The following CELF5 variants were observed in gnomAD, a reference collection of about 807,000 sequenced individuals.
The protein encoded by CELF5 is CUG-BP and ETR-3 like factor 5.
In CELF5, 6 loss-of-function variants were observed where a neutral mutation model predicts 54.9. That is an observed-to-expected ratio of 0.11 (90% confidence interval 0.06 to 0.22). The LOEUF (loss-of-function observed/expected upper bound fraction) is 0.22. Ranked by LOEUF, CELF5 falls within the 10% of genes least tolerant of loss-of-function variation. The pLI is 1.00. For missense variants in CELF5, 401 were observed against 678.6 expected, an observed-to-expected ratio of 0.59 and a Z score of 4.54; for synonymous variants, 271 against 290.9, an observed-to-expected ratio of 0.93 and a Z score of 0.70.
Position 3,228,699 on chromosome 19 carries a change from G to T in CELF5, c.259+3701G>T, listed in dbSNP as rs866340018. On this transcript the variant is annotated intron_variant, in intron 1 of 12. Transcript: ENST00000292672. This position sits in a 1 kb window ranked among gnomAD's most constrained non-coding sequence, Gnocchi z 6.0. ...CTGCCGGCTCGACTCGGGAGGGGGGGAGGAGGAGGCTGTAGCAGGCTGAGC... is the reference window on the plus strand; with the variant it reads ...CTGCCGGCTCGACTCGGGAGGGGGGTAGGAGGAGGCTGTAGCAGGCTGAGC... Among the ~76,000 whole-genome samples, 1 of 151,732 alleles carries T rather than the reference G, an allele frequency of 6.6e-6. No individual in the cohort carries two copies. The highest frequency in any genetic ancestry group is 6.6e-5 in the Admixed American group (1 of 15,260).
rs903038787 is a variant in CELF5, at chr19:3,275,464, A to G, written c.395-392A>G. Among the ~76,000 whole-genome samples the G allele has an allele frequency of 6.6e-6, 1 of 152,246 alleles. No homozygotes were observed. Among genetic ancestry groups the G allele is most frequent in the Admixed American group, 6.5e-5 (1 of 15,288 alleles). ...CAGACAGAAAGACAGACAGACAGAC[A>G]GACAGGGACCCAGGCCCGGCGAGGC... On this transcript the variant is annotated intron_variant, in intron 3 of 12. Transcript: ENST00000292672. This position sits in a 1 kb window ranked among gnomAD's most constrained non-coding sequence, Gnocchi z 6.7.
At chr19:3,269,530 C>T (rs2079928392) in intron 2 of CELF5, among the ~76,000 whole-genome samples, 1 of 152,160 alleles carries the variant, frequency 6.6e-6, no homozygotes, top group Admixed American at 6.5e-5. Flanking sequence ...ATCCCAGAGA[C>T]TCCTTGGCTG....
At chr19:3,239,543 T>C (rs1173500520) in intron 1 of CELF5, among the ~76,000 whole-genome samples, 1 of 151,846 alleles carries the variant, frequency 6.6e-6, no homozygotes, top group Non-Finnish European at 1.5e-5. Flanking sequence ...GCTAACTTTT[T>C]TTTTTTTTCA....
At position 3,275,994 on chromosome 19, in the gene CELF5, G is replaced by A. The variant is rs977696668; in HGVS notation, c.523+10G>A. 3 of 1,602,810 alleles carry A rather than the reference G, an allele frequency of 1.9e-6. No individual in the cohort carries two copies. The highest frequency in any genetic ancestry group is 2.2e-5 in the East Asian group (1 of 44,464). On this transcript the variant is annotated intron_variant, in intron 4 of 12. Transcript: ENST00000292672. This position sits in a 1 kb window ranked among gnomAD's most constrained non-coding sequence, Gnocchi z 6.7. ...GACGGCAGCAGCAAAGGTGACTGGC[G>A]GGGGCCGGGGCGGGACTGCGAGAGG... is the stretch of plus-strand genomic sequence containing the variant.
At chr19:3,231,420 G>T (rs1917245931) in intron 1 of CELF5, among the ~76,000 whole-genome samples, 1 of 152,050 alleles carries the variant, frequency 6.6e-6, no homozygotes, top group South Asian at 2.1e-4. Flanking sequence ...TCAGTGGAAG[G>T]TTTGAATGGA....
chr19:3,241,852 T>C (rs761402388), intron 1 of CELF5, among the ~76,000 whole-genome samples: 21 of 152,234 alleles, frequency 1.4e-4, no homozygotes, highest in Admixed American at 2.0e-4. Flanking sequence ...CTCGGCTCAC[T>C]GCAACCTTAT....
intron 2 of CELF5, among the ~76,000 whole-genome samples, chr19:3,261,039 C>T (rs2145183635): frequency 6.6e-6 from 1 of 152,228 alleles, no homozygotes; most frequent in South Asian, 2.1e-4. Context: ...GTTGGGACTA[C>T]AGGTGTGAGT....
Position 3,282,976 on chromosome 19 carries a change from G to A in CELF5, c.1039+478G>A, listed in dbSNP as rs1265297732. Among the ~76,000 whole-genome samples, 9 of 152,126 alleles carry A rather than the reference G, an allele frequency of 5.9e-5. No homozygotes were observed. The highest frequency in any genetic ancestry group is 1.2e-4 in the African/African-American group (5 of 41,414). ...CTCCCAAGTAGCTGGGATTACAGGC[G>A]CATGCCACCATGCCCGGCTAATTTT... is the stretch of plus-strand genomic sequence containing the variant. On this transcript the variant is annotated intron_variant, in intron 8 of 12. Transcript: ENST00000292672. The surrounding 1 kb of genome is among the most constrained non-coding windows in gnomAD (Gnocchi z 5.2).
chr19:3,255,083 C>G (rs902247816), intron 2 of CELF5, among the ~76,000 whole-genome samples: 19 of 152,318 alleles, frequency 1.2e-4, no homozygotes, highest in African/African-American at 4.3e-4. Flanking sequence ...ATGCTAAACT[C>G]CCATCATCAG....
rs550009207 is a variant in CELF5 at position 3,228,515 on chromosome 19, G to A, written c.259+3517G>A. On this transcript the variant is annotated intron_variant, in intron 1 of 12. Transcript: ENST00000292672. The surrounding 1 kb of genome is among the most constrained non-coding windows in gnomAD (Gnocchi z 6.0). ...GTGCCCACGGTGGTACTGGTCCGCC[G>A]CTGCCACTGGGCCCCCCGTTTATGG... Among the ~76,000 whole-genome samples the A allele has an allele frequency of 1.3e-5, 2 of 152,272 alleles. No individual in the cohort carries two copies. The highest frequency in any genetic ancestry group is 2.1e-4 in the South Asian group (1 of 4,832).
intron 1 of CELF5, among the ~76,000 whole-genome samples, chr19:3,238,531 C>T (rs1426012836): frequency 6.6e-6 from 1 of 152,136 alleles, no homozygotes; most frequent in Non-Finnish European, 1.5e-5. Context: ...AGGGTCCTTC[C>T]TGCCTCTTCA....
At chr19:3,272,729 G>C (rs184962768) in intron 2 of CELF5, among the ~76,000 whole-genome samples, 1 of 152,340 alleles carries the variant, frequency 6.6e-6, no homozygotes, top group East Asian at 1.9e-4. Flanking sequence ...GAGGGAGGGG[G>C]AGGAAGGAGC....
Position 3,282,590 on chromosome 19 carries a change from C to A in CELF5, c.1039+92C>A. The A allele has an allele frequency of 7.0e-7, 1 of 1,422,070 alleles. No individual in the cohort carries two copies. The highest frequency in any genetic ancestry group is 1.3e-5 in the South Asian group (1 of 75,894). 88.1% of individuals were successfully genotyped at this position (1,422,070 alleles called of 1,614,324 possible). A position where few individuals can be genotyped will look rare whatever the true frequency, so the allele number is the denominator to read the frequency against. On this transcript the variant is annotated intron_variant, in intron 8 of 12. Coordinates refer to ENST00000292672, the MANE Select transcript of CELF5 (RefSeq NM_021938.4). The surrounding 1 kb of genome is among the most constrained non-coding windows in gnomAD (Gnocchi z 5.2). ...AGTATGAGTCCCTACATCACAGTGC[C>A]CAGGGAACAGAAGGGCAGGAAAAAG...
At chr19:3,242,319 A>C (rs1230990999) in intron 1 of CELF5, among the ~76,000 whole-genome samples, 1 of 151,814 alleles carries the variant, frequency 6.6e-6, no homozygotes, top group Non-Finnish European at 1.5e-5. Context: ...AGATTACTTG[A>C]GGTCAGGAGT....
chr19:3,252,654 C>T (rs922607874), intron 2 of CELF5, among the ~76,000 whole-genome samples: 3 of 152,134 alleles, frequency 2.0e-5, no homozygotes, highest in Non-Finnish European at 4.4e-5. Flanking sequence ...ATGAGTTTGA[C>T]TTGATTCTCC....
At chr19:3,287,456 A>G (rs1188687603) in intron 10 of CELF5, among the ~76,000 whole-genome samples, 1 of 150,738 alleles carries the variant, frequency 6.6e-6, no homozygotes. Flanking sequence ...GCTATTGGGG[A>G]GGCTGAGGCA....
chr19:3,235,662 ATGGATGGATGGATGGATGTGTGGATGGG>A (rs1349493146), intron 1 of CELF5, among the ~76,000 whole-genome samples: 367 of 88,246 alleles, frequency 4.2e-3, no homozygotes, highest in South Asian at 5.7e-3. Context: ...GGATGGATGG[ATGGATGGATGGATGGATGTGTGGATGGG>A]TGGATGGATG....
At chr19:3,229,754 C>T (rs1471599426) in intron 1 of CELF5, among the ~76,000 whole-genome samples, 2 of 152,180 alleles carry the variant, frequency 1.3e-5, no homozygotes, top group South Asian at 2.1e-4. Context: ...TACATGACTA[C>T]GCTGAGGCCC....
At chr19:3,262,562 T>C (rs1555722054) in intron 2 of CELF5, among the ~76,000 whole-genome samples, 2 of 152,238 alleles carry the variant, frequency 1.3e-5, no homozygotes, top group Non-Finnish European at 1.5e-5. Context: ...ATGGACAGCA[T>C]AGGTCTAGAA....
Sources: gnomAD v4.1 joint callset for allele counts (sites outside exome capture counted in the v4.1 genomes callset) on GRCh38, gnomAD v4.1.1 for gene constraint, Gnocchi (gnomAD v3.1) non-coding constraint, MANE v1.5 for transcripts, NCBI Gene and HGNC (gene_info 2026-07-23, HGNC 2026-07-21) for gene names.